The following NCOA2 variants were observed in gnomAD, a reference collection of about 807,000 sequenced individuals.
The protein encoded by NCOA2 is nuclear receptor coactivator 2, also known as class E basic helix-loop-helix protein 75.
A neutral mutation model predicts 145.1 loss-of-function variants in NCOA2; 21 were observed. The observed-to-expected ratio is 0.14, with a 90% CI of 0.10 to 0.21. The LOEUF (loss-of-function observed/expected upper bound fraction) is 0.21, where lower values mean the gene tolerates loss of function less well. NCOA2 is among the 10% of genes least tolerant of loss of function. The pLI, the probability that NCOA2 is intolerant of heterozygous loss-of-function variation, is 1.00. For missense variants in NCOA2, 1,472 were observed against 1,837.6 expected, an observed-to-expected ratio of 0.80 and a Z score of 3.64; for synonymous variants, 619 against 637.5, an observed-to-expected ratio of 0.97 and a Z score of 0.44.
At position 70,155,959 on chromosome 8, in the gene NCOA2, G is replaced by A. The variant is rs969527824; in HGVS notation, c.2394+12C>T. On this transcript the variant is annotated intron_variant, in intron 11 of 22. Transcript: ENST00000452400. ...GATTAGTACACCTGCGAGAAGATGTGATAAAACTTACCTGGTCACCAGGCT... is the reference window on the plus strand; with the variant it reads ...GATTAGTACACCTGCGAGAAGATGTAATAAAACTTACCTGGTCACCAGGCT... 5.2e-6 allele frequency: 8 copies of A among 1,548,776 alleles called. No individual in the cohort carries two copies. The Admixed American group carries it at 8.1e-5, about 16-fold the overall frequency.
At chr8:70,324,496 C>T (rs1338020450) in intron 1 of NCOA2, among the ~76,000 whole-genome samples, 2 of 152,054 alleles carry the variant, frequency 1.3e-5, no homozygotes, top group Non-Finnish European at 2.9e-5. Flanking sequence ...TGCCACTGCA[C>T]CCAGCTAATT....
chr8:70,348,810 G>A (rs1808906938), intron 1 of NCOA2, among the ~76,000 whole-genome samples: 2 of 152,146 alleles, frequency 1.3e-5, no homozygotes, highest in Non-Finnish European at 2.9e-5. Flanking sequence ...CTGCACTGAA[G>A]GTGGAAGCAA....
At chr8:70,210,207 T>C (rs957272091) in intron 4 of NCOA2, among the ~76,000 whole-genome samples, 2 of 152,214 alleles carry the variant, frequency 1.3e-5, no homozygotes, top group Non-Finnish European at 2.9e-5. Context: ...GCCTATTCCA[T>C]GGTTTGTTTT....
At chr8:70,248,520 C>T (rs926509631) in intron 2 of NCOA2, among the ~76,000 whole-genome samples, 1 of 152,122 alleles carries the variant, frequency 6.6e-6, no homozygotes, top group African/African-American at 2.4e-5. Context: ...ACCAAGCTTT[C>T]GAGACGCATC....
chr8:70,326,266 C>T (rs976591867), intron 1 of NCOA2, among the ~76,000 whole-genome samples: 4 of 152,030 alleles, frequency 2.6e-5, no homozygotes, highest in South Asian at 2.1e-4. Flanking sequence ...TAAATAAGTC[C>T]GTGTATATAT....
At chr8:70,425,080 C>T in the NCOA2 span, among the ~76,000 whole-genome samples, 6 of 152,056 alleles carry the variant, frequency 3.9e-5, no homozygotes, top group Admixed American at 6.6e-5. Flanking sequence ...AGGTGATAGG[C>T]GATGACAGAA....
At chr8:70,323,102 T>C (rs1250381325) in intron 1 of NCOA2, among the ~76,000 whole-genome samples, 1 of 152,222 alleles carries the variant, frequency 6.6e-6, no homozygotes, top group East Asian at 1.9e-4. Context: ...TAAACTACTC[T>C]GGCTATGCTA....
chr8:70,371,016 G>A (rs961074093), intron 1 of NCOA2, among the ~76,000 whole-genome samples: 8 of 152,114 alleles, frequency 5.3e-5, no homozygotes, highest in Admixed American at 1.3e-4. Flanking sequence ...GGCCGGGCAC[G>A]GTGGCTCACG....
chr8:70,402,765 G>C (rs929919489), intron 1 of NCOA2, among the ~76,000 whole-genome samples: 4 of 151,742 alleles, frequency 2.6e-5, no homozygotes, highest in Admixed American at 1.3e-4. Context: ...GGAACCTCCC[G>C]GTCCGCCTCC....
At chr8:70,231,225 T>C (rs2134222811) in intron 2 of NCOA2, among the ~76,000 whole-genome samples, 2 of 152,356 alleles carry the variant, frequency 1.3e-5, no homozygotes, top group Middle Eastern at 3.4e-3. Flanking sequence ...AGTATTAAGA[T>C]GTTTTAAAAA....
At chr8:70,143,021 C>G (rs1810624940) in intron 13 of NCOA2, among the ~76,000 whole-genome samples, 1 of 150,928 alleles carries the variant, frequency 6.6e-6, no homozygotes, top group South Asian at 2.1e-4. Context: ...ATGATCTCGG[C>G]TCACTACAAC....
At chr8:70,151,738 A>G (rs1811775273) in intron 11 of NCOA2, among the ~76,000 whole-genome samples, 1 of 152,188 alleles carries the variant, frequency 6.6e-6, no homozygotes, top group Non-Finnish European at 1.5e-5. Flanking sequence ...ACTAGAGATA[A>G]TATTGCTTTG....
chr8:70,273,377 A>T (rs1825217832), intron 2 of NCOA2: 1 of 713,658 alleles, frequency 1.4e-6, no homozygotes, highest in African/African-American at 1.8e-5. Context: ...CGACAAGATG[A>T]AAGAAACAAT....
At chr8:70,434,155 A>G in the NCOA2 span, among the ~76,000 whole-genome samples, 1 of 152,204 alleles carries the variant, frequency 6.6e-6, no homozygotes, top group African/African-American at 2.4e-5. Flanking sequence ...CCAAAATAAT[A>G]GGGAAAGTGC....
At chr8:70,224,546 T>G (rs1276295365) in intron 2 of NCOA2, among the ~76,000 whole-genome samples, 4 of 152,126 alleles carry the variant, frequency 2.6e-5, no homozygotes, top group Admixed American at 2.6e-4. Context: ...CTCTCCAATT[T>G]CTGTTTATTT....
chr8:70,350,286 A>G (rs915354388), intron 1 of NCOA2, among the ~76,000 whole-genome samples: 1 of 152,170 alleles, frequency 6.6e-6, no homozygotes, highest in African/African-American at 2.4e-5. Flanking sequence ...GTTAATAATT[A>G]TAATTCATGT....
chr8:70,434,531 T>G, the NCOA2 span, among the ~76,000 whole-genome samples: 4 of 152,272 alleles, frequency 2.6e-5, no homozygotes, highest in Non-Finnish European at 2.9e-5. Flanking sequence ...AGCACAAACT[T>G]TAGCGTAGTG....
At chr8:70,245,520 CCTCT>C (rs1319671944) in intron 2 of NCOA2, 1 of 151,776 alleles carries the variant, frequency 6.6e-6, no homozygotes, top group Admixed American at 6.6e-5. Context: ...CTTTTCTCTC[CCTCT>C]CTCTCCCTCT....
the NCOA2 span, among the ~76,000 whole-genome samples, chr8:70,438,476 T>G: frequency 6.6e-6 from 1 of 152,196 alleles, no homozygotes; most frequent in African/African-American, 2.4e-5. Flanking sequence ...TCACCAAAGC[T>G]AGACATATGT....
Sources: allele counts gnomAD v4.1 joint callset (sites outside exome capture counted in the v4.1 genomes callset), GRCh38; gene constraint gnomAD v4.1.1; transcripts MANE v1.5; gene names NCBI Gene and HGNC (gene_info 2026-07-23, HGNC 2026-07-21).